The following GINS3 variants were observed in gnomAD, a reference collection of about 807,000 sequenced individuals.
GINS3 encodes the protein DNA replication complex GINS protein PSF3.
In GINS3, 18 loss-of-function variants were observed where a neutral mutation model predicts 20.0. That is an observed-to-expected ratio of 0.90 (90% CI 0.62 to 1.33). GINS3 has a LOEUF of 1.33. Ranked by LOEUF, GINS3 falls within the 40% of genes most tolerant of loss-of-function variation. The pLI is 0.00. For missense variants in GINS3, 254 were observed against 273.6 expected (o/e 0.93, Z 0.51); for synonymous variants, 109 against 107.0 (o/e 1.02, Z -0.12).
Position 58,405,252 on chromosome 16 carries a change from A to AT in GINS3, c.*523_*524insT. The AT allele has an allele frequency of 6.5e-6, 1 of 153,564 alleles. No homozygotes were observed. The highest frequency in any genetic ancestry group is 1.9e-4 in the East Asian group (1 of 5,214). 9.5% of individuals were successfully genotyped at this position (153,564 alleles called of 1,614,324 possible). ...TCCTGCTGCCTGCCTGCAGGGAGTTACCCCAGTTTCCAAAAACAGTCGCCC... is the reference window on the plus strand; with the variant it reads ...TCCTGCTGCCTGCCTGCAGGGAGTTATCCCCAGTTTCCAAAAACAGTCGCCC... On this transcript the variant is annotated 3_prime_UTR_variant, in exon 3 of 3. Transcript: ENST00000318129.
At position 58,404,450 on chromosome 16, in the gene GINS3, T is replaced by C. The variant is rs370041449; in HGVS notation, c.421-49T>C. 7.6e-6 allele frequency: 9 copies of C among 1,178,622 alleles called. No individual in the cohort carries two copies. In the East Asian group the frequency reaches 1.9e-4, roughly 25 times the overall value. The allele number at this position is 1,178,622 out of a possible 1,614,324, so 73.0% of individuals were successfully genotyped here. ...TCTGAGATAAAAATGGATATGACTT[T>C]GTGGGGTGTGAGGTCAACCCTGACT... On this transcript the variant is annotated intron_variant, in intron 2 of 2. Transcript: ENST00000318129.
At chr16:58,399,428 G>A (rs902991526) in intron 1 of GINS3, among the ~76,000 whole-genome samples, 2 of 151,628 alleles carry the variant, frequency 1.3e-5, no homozygotes, top group Non-Finnish European at 1.5e-5. Flanking sequence ...TTATTGTCAC[G>A]TCTCCCTTTA....
At position 58,403,095 on chromosome 16, in the gene GINS3, C is replaced by T. The variant is rs1014401685; in HGVS notation, c.187-3C>T. 35 of 1,611,782 alleles carry T rather than the reference C, an allele frequency of 2.2e-5. No homozygotes were observed. Among genetic ancestry groups the T allele is most frequent in the Non-Finnish European group, 2.8e-5 (33 of 1,178,006 alleles). The stretch of plus-strand genomic sequence containing the variant: ...TTAAAATCTACATTCATGCATGCTG[C>T]AGGGTTCCAAGCTTGAACTACCCTT... On this transcript the variant is annotated splice_region_variant and splice_polypyrimidine_tract_variant and intron_variant, in intron 1 of 2. Coordinates refer to ENST00000318129, the MANE Select transcript of GINS3 (RefSeq NM_022770.4).
intron 1 of GINS3, among the ~76,000 whole-genome samples, chr16:58,400,853 C>T (rs1350212521): frequency 2.8e-5 from 4 of 144,334 alleles, no homozygotes; most frequent in African/African-American, 5.1e-5. Flanking sequence ...CTTGCTCTGT[C>T]GCCCAGGCTG....
intron 1 of GINS3, among the ~76,000 whole-genome samples, chr16:58,397,822 G>A (rs1478339931): frequency 4.0e-5 from 6 of 151,496 alleles, no homozygotes; most frequent in Admixed American, 1.3e-4. Flanking sequence ...GGAGACCGTG[G>A]GGAGAGGGAG....
At chr16:58,400,142 T>C (rs762632618) in intron 1 of GINS3, among the ~76,000 whole-genome samples, 2 of 152,214 alleles carry the variant, frequency 1.3e-5, no homozygotes, top group Non-Finnish European at 2.9e-5. Context: ...GATTTGATGA[T>C]TCACTAAGAG....
chr16:58,394,617 G>T lies in GINS3; in HGVS notation c.186+1830G>T, dbSNP rs551006323. ...CCAACTCAGCCTCCCAAAGTACTGGGATTACAGGCGTAAGCCACCTCGCCC... is the reference window on the plus strand; with the variant it reads ...CCAACTCAGCCTCCCAAAGTACTGGTATTACAGGCGTAAGCCACCTCGCCC... On this transcript the variant is annotated intron_variant, in intron 1 of 2. Coordinates refer to ENST00000318129, the MANE Select transcript of GINS3 (RefSeq NM_022770.4). Among the ~76,000 whole-genome samples, 3 of 152,332 alleles carry T rather than the reference G, an allele frequency of 2.0e-5. No homozygotes were observed. The East Asian group carries it at 5.8e-4, about 29-fold the overall frequency.
chr16:58,392,742 C>T lies in GINS3; in HGVS notation c.141C>T (p.Phe47=), dbSNP rs111387007. The change falls in exon 1 of 3, where the codon TTC becomes TTT. Residue 47 remains phenylalanine, a synonymous_variant. Coordinates refer to ENST00000318129, the MANE Select transcript of GINS3 (RefSeq NM_022770.4). The stretch of plus-strand genomic sequence containing the variant: ...CCATGCCTCGCCTTGGCGCTTTCTT[C>T]CTGGAGCGGAGCGCAGGCGCCGAGA... ...ETAMPRLGAF[F]LERSAGAETD... 20 of 1,613,766 alleles carry T rather than the reference C, an allele frequency of 1.2e-5. No homozygotes were observed. The African/African-American group carries it at 2.1e-4, about 17-fold the overall frequency.
chr16:58,395,018 T>C, intron 1 of GINS3: 1 of 502,180 alleles, frequency 2.0e-6, no homozygotes. Flanking sequence ...ACTTGATTTC[T>C]TCTTGTGTTA....
rs371562765 is a variant in GINS3 at position 58,392,821 on chromosome 16, G to A, written c.186+34G>A. ...TTGGGTGCGGGGTCCTGCCCGGAAA[G>A]ACTGCAGCTCCCGGCGGGCCCCTCG... On this transcript the variant is annotated intron_variant, in intron 1 of 2. Transcript: ENST00000318129. 227 of 1,548,522 alleles carry A rather than the reference G, an allele frequency of 1.5e-4. 3 individuals are homozygous for A. In the South Asian group the frequency reaches 2.4e-3, roughly 16 times the overall value.
At position 58,394,492 on chromosome 16, in the gene GINS3, G is replaced by A. The variant is rs553643886; in HGVS notation, c.186+1705G>A. 6.5e-4 allele frequency among the ~76,000 whole-genome samples: 98 copies of A among 151,912 alleles called. 3 individuals carry two copies. Among genetic ancestry groups the A allele is most frequent in the African/African-American group, 2.1e-3 (88 of 41,420 alleles). On this transcript the variant is annotated intron_variant, in intron 1 of 2. Coordinates refer to ENST00000318129, the MANE Select transcript of GINS3 (RefSeq NM_022770.4). ...CTCCCAAGTAGCTGAGATTACAGGC[G>A]CCCACCACCACACCCAGCCAATTTT... is the stretch of plus-strand genomic sequence containing the variant.
chr16:58,404,214 A>G, intron 2 of GINS3: 1 of 373,462 alleles, frequency 2.7e-6, no homozygotes, highest in South Asian at 4.0e-5. Flanking sequence ...GATGCTTCTC[A>G]AGGAGCTTGC....
chr16:58,392,569 G>A lies in GINS3; in HGVS notation c.-33G>A, dbSNP rs1252801614. 1 of 1,609,548 alleles carries A rather than the reference G, an allele frequency of 6.2e-7. No individual in the cohort carries two copies. The highest frequency in any genetic ancestry group is 1.1e-5 in the South Asian group (1 of 90,670). ...AACTCCTGAGGCTCCTCCGAATCACGCGAGTGGAAGCGGAGAAGCTCAAGT... is the reference window on the plus strand; with the variant it reads ...AACTCCTGAGGCTCCTCCGAATCACACGAGTGGAAGCGGAGAAGCTCAAGT... On this transcript the variant is annotated 5_prime_UTR_variant, in exon 1 of 3. Transcript: ENST00000318129.
chr16:58,404,972 G>T lies in GINS3; in HGVS notation c.*243G>T. On this transcript the variant is annotated 3_prime_UTR_variant, in exon 3 of 3. Transcript: ENST00000318129. ...CAGGCCCTTTAACCCAAGAACCCATGGCCAAGGAGAAATCAAAGTCCTTCC... is the reference window on the plus strand; with the variant it reads ...CAGGCCCTTTAACCCAAGAACCCATTGCCAAGGAGAAATCAAAGTCCTTCC... 1 of 477,642 alleles carries T rather than the reference G, an allele frequency of 2.1e-6. No individual in the cohort carries two copies. Among genetic ancestry groups the T allele is most frequent in the Non-Finnish European group, 3.8e-6 (1 of 266,346 alleles). 29.6% of individuals were successfully genotyped at this position (477,642 alleles called of 1,614,324 possible). A position where few individuals can be genotyped will look rare whatever the true frequency, so the allele number is the denominator to read the frequency against.
Position 58,403,133 on chromosome 16 carries a change from AG to A in GINS3, c.224del (p.Gly75AspfsTer91). On this transcript the variant is annotated frameshift_variant, in exon 2 of 3. Transcript: ENST00000318129. LOFTEE classifies it high-confidence loss of function. ...TTGAACTACCCTTGTGGCTGGCAAA[AG>A]GACTTTTTGACAACAAGCGACGGAT... ...KLELPLWLAK[G>X]LFDNKRRILS... 1 of 1,614,184 alleles carries A rather than the reference AG, an allele frequency of 6.2e-7. No individual in the cohort carries two copies. Among genetic ancestry groups the A allele is most frequent in the Non-Finnish European group, 8.5e-7 (1 of 1,180,034 alleles).
At chr16:58,400,769 C>G (rs1370388249) in intron 1 of GINS3, among the ~76,000 whole-genome samples, 1 of 150,164 alleles carries the variant, frequency 6.7e-6, no homozygotes, top group Non-Finnish European at 1.5e-5. Context: ...ATTCCATTTC[C>G]ATTGTTTTGT....
intron 1 of GINS3, among the ~76,000 whole-genome samples, chr16:58,401,854 C>T (rs988154091): frequency 6.6e-6 from 1 of 152,076 alleles, no homozygotes; most frequent in Non-Finnish European, 1.5e-5. Flanking sequence ...GTAATATATG[C>T]CTAGTTGTGA....
chr16:58,403,093 T>G lies in GINS3; in HGVS notation c.187-5T>G, dbSNP rs1421898237. ...TTTTAAAATCTACATTCATGCATGC[T>G]GCAGGGTTCCAAGCTTGAACTACCC... On this transcript the variant is annotated splice_region_variant and splice_polypyrimidine_tract_variant and intron_variant, in intron 1 of 2. Coordinates refer to ENST00000318129, the MANE Select transcript of GINS3 (RefSeq NM_022770.4). 15 of 1,611,750 alleles carry G rather than the reference T, an allele frequency of 9.3e-6. No individual in the cohort carries two copies. Among genetic ancestry groups the G allele is most frequent in the African/African-American group, 1.3e-5 (1 of 75,022 alleles).
chr16:58,401,467 C>T (rs1005171519), intron 1 of GINS3, among the ~76,000 whole-genome samples: 5 of 152,114 alleles, frequency 3.3e-5, no homozygotes, highest in African/African-American at 1.2e-4. Flanking sequence ...TGGCCCCACC[C>T]ACATCTTGCT....
Sources: allele counts gnomAD v4.1 joint callset (sites outside exome capture counted in the v4.1 genomes callset), GRCh38; gene constraint gnomAD v4.1.1; transcripts MANE v1.5; gene names NCBI Gene and HGNC (gene_info 2026-07-23, HGNC 2026-07-21).